The following ICA1L variants were observed in gnomAD, a reference collection of about 807,000 sequenced individuals.
ICA1L encodes islet cell autoantigen 1 like.
In ICA1L, 50 loss-of-function variants were observed where a neutral mutation model predicts 61.3. The observed-to-expected ratio is 0.82, with a 90% CI of 0.65 to 1.03. The LOEUF (loss-of-function observed/expected upper bound fraction) is 1.03, where lower values mean the gene tolerates loss of function less well. ICA1L is among the 50% of genes least tolerant of loss of function. The probability of loss-of-function intolerance (pLI) is 0.00; values close to 1 mark genes in which losing one functional copy is unlikely to be tolerated. For missense variants in ICA1L, 508 were observed against 556.7 expected (o/e 0.91, Z 0.88); for synonymous variants, 161 against 191.3 (o/e 0.84, Z 1.31).
intron 1 of ICA1L, among the ~76,000 whole-genome samples, chr2:202,861,793 G>A (rs1014320710): frequency 1.4e-5 from 2 of 147,484 alleles, no homozygotes; most frequent in East Asian, 4.1e-4. Flanking sequence ...GCTGAGGCAG[G>A]AGAATCACTT....
At chr2:202,793,494 TAAAAAAAAAAAAAAA>T (rs755015399) in intron 10 of ICA1L, among the ~76,000 whole-genome samples, 19 of 31,352 alleles carry the variant, frequency 6.1e-4, no homozygotes, top group South Asian at 2.7e-3. Context: ...CCGTCTCTAC[TAAAAAAAAAAAAAAA>T]AAAAAAAAAA....
At chr2:202,810,637 G>A (rs1438454202) in intron 9 of ICA1L, among the ~76,000 whole-genome samples, 1 of 151,202 alleles carries the variant, frequency 6.6e-6, no homozygotes, top group East Asian at 1.9e-4. Context: ...CAATGTCCAG[G>A]GAACAAGAGA....
intron 9 of ICA1L, among the ~76,000 whole-genome samples, chr2:202,800,826 A>G (rs1266195500): frequency 1.3e-5 from 2 of 152,210 alleles, no homozygotes; most frequent in Non-Finnish European, 2.9e-5. Context: ...AAAAACAACC[A>G]AAGTAATTAA....
At chr2:202,788,257 A>G (rs1692646793) in intron 11 of ICA1L, among the ~76,000 whole-genome samples, 1 of 152,208 alleles carries the variant, frequency 6.6e-6, no homozygotes, top group Non-Finnish European at 1.5e-5. Context: ...GCAGTAACCT[A>G]GGAAACCAAA....
intron 1 of ICA1L, among the ~76,000 whole-genome samples, chr2:202,846,197 A>T (rs1694459282): frequency 6.6e-6 from 1 of 152,058 alleles, no homozygotes; most frequent in Admixed American, 6.6e-5. Context: ...TTATTATTAT[A>T]AAAATGTTTT....
At chr2:202,780,730 C>A (rs1692376083) in intron 12 of ICA1L, among the ~76,000 whole-genome samples, 1 of 152,162 alleles carries the variant, frequency 6.6e-6, no homozygotes, top group Non-Finnish European at 1.5e-5. Flanking sequence ...AGGATCAGGG[C>A]AGAGTGAAAG....
chr2:202,869,285 G>A (rs1055155234), intron 1 of ICA1L, among the ~76,000 whole-genome samples: 25 of 152,124 alleles, frequency 1.6e-4, no homozygotes, highest in Admixed American at 8.5e-4. Context: ...GTGAACCCGG[G>A]AGGCGGAGCT....
intron 12 of ICA1L, 82 bp downstream of exon 12, chr2:202,785,835 TA>T (rs145836386): frequency 0.31 from 245,000 of 784,866 alleles, 41,617 homozygotes; most frequent in South Asian, 0.5. Flanking sequence ...GTGAAAACAA[TA>T]TAAAGTGATC....
At chr2:202,844,545 T>C (rs1443607105) in intron 1 of ICA1L, 2 of 152,192 alleles carry the variant, frequency 1.3e-5, no homozygotes, top group African/African-American at 4.8e-5. Flanking sequence ...TAAAATTAAA[T>C]TCAACAAGCC....
intron 9 of ICA1L, among the ~76,000 whole-genome samples, chr2:202,808,587 A>G (rs929347001): frequency 2.0e-5 from 3 of 152,204 alleles, no homozygotes. Flanking sequence ...CTGATGGTAG[A>G]GCCCTTGGGC....
rs190290860 is a variant in ICA1L, at chr2:202,814,771, G to C, written c.797C>G (p.Thr266Arg). Residue 266 changes from threonine to arginine, a missense_variant, in exon 8 of 13, where the codon ACG (threonine) becomes AGG (arginine). Coordinates refer to ENST00000358299, the MANE Select transcript of ICA1L (RefSeq NM_001288622.3). ...DFVALKQLQDTPSKISEDNKD... is the reference protein window; with the variant it reads ...DFVALKQLQDRPSKISEDNKD... ...ATTGTCTTCACTAATCTTGCTTGGC[G>C]TGTCTTGTAGTTGCTAAAGATAAGA... 2 of 1,612,168 alleles carry C rather than the reference G, an allele frequency of 1.2e-6. No individual in the cohort carries two copies. The highest frequency in any genetic ancestry group is 2.2e-5 in the South Asian group (2 of 90,858).
At chr2:202,853,252 GA>G (rs919779146) in intron 1 of ICA1L, among the ~76,000 whole-genome samples, 4 of 151,780 alleles carry the variant, frequency 2.6e-5, no homozygotes, top group Admixed American at 2.6e-4. Context: ...AGCTACTCGG[GA>G]GGCTGAGGCA....
In ICA1L at chr2:202,786,148, T is replaced by C. The variant is rs563122180; in HGVS notation, c.1244-141A>G. 1.2e-5 allele frequency: 6 copies of C among 516,656 alleles called. No individual in the cohort carries two copies. In the Admixed American group the frequency reaches 1.8e-4, roughly 16 times the overall value. 32.0% of individuals were successfully genotyped at this position (516,656 alleles called of 1,614,324 possible). A position where few individuals can be genotyped will look rare whatever the true frequency, so the allele number is the denominator to read the frequency against. The stretch of plus-strand genomic sequence containing the variant: ...TATAAGAGGTATAAAATACTGAAAA[T>C]TTATCTATAGTCATATATTTTAATC... On this transcript the variant is annotated intron_variant, in intron 11 of 12. Transcript: ENST00000358299.
chr2:202,841,636 G>C, intron 1 of ICA1L: 1 of 616,018 alleles, frequency 1.6e-6, no homozygotes, highest in Non-Finnish European at 3.1e-6. Context: ...CACCCCGAAA[G>C]ATGCTGCTGC....
intron 10 of ICA1L, among the ~76,000 whole-genome samples, chr2:202,793,903 T>C (rs1444185263): frequency 2.6e-5 from 4 of 151,068 alleles, no homozygotes; most frequent in African/African-American, 9.8e-5. Context: ...GGAGAATTGC[T>C]TGAACCTGGG....
intron 10 of ICA1L, among the ~76,000 whole-genome samples, chr2:202,789,295 T>C (rs1004290658): frequency 6.6e-6 from 1 of 152,168 alleles, no homozygotes; most frequent in Non-Finnish European, 1.5e-5. Context: ...AATGAAGATA[T>C]AACCATTATG....
rs1692352080 is a variant in ICA1L, at chr2:202,780,036, G to C, written c.1334-388C>G. ...TGTATGCTGCTCTGAGAAAGGAATT[G>C]AGTTAAAAGTGAAAAGGCAAGCAAT... is the stretch of plus-strand genomic sequence containing the variant. On this transcript the variant is annotated intron_variant, in intron 12 of 12. Coordinates refer to ENST00000358299, the MANE Select transcript of ICA1L (RefSeq NM_001288622.3). Among the ~76,000 whole-genome samples the C allele has an allele frequency of 3.3e-5, 5 of 152,128 alleles. No homozygotes were observed. In the South Asian group the frequency reaches 8.3e-4, roughly 25 times the overall value.
intron 1 of ICA1L, among the ~76,000 whole-genome samples, chr2:202,832,417 C>T (rs1371592374): frequency 1.8e-5 from 2 of 109,452 alleles, no homozygotes; most frequent in Non-Finnish European, 3.4e-5. Flanking sequence ...GCCTGGTCGA[C>T]AGAGTGAGAC....
At chr2:202,807,271 G>A (rs1693252913) in intron 9 of ICA1L, among the ~76,000 whole-genome samples, 1 of 152,252 alleles carries the variant, frequency 6.6e-6, no homozygotes, top group African/African-American at 2.4e-5. Flanking sequence ...TCTCTTGGCA[G>A]TGGCCACATG....
Sources: gnomAD v4.1 joint callset for allele counts (sites outside exome capture counted in the v4.1 genomes callset) on GRCh38, gnomAD v4.1.1 for gene constraint, MANE v1.5 for transcripts, NCBI Gene and HGNC (gene_info 2026-07-23, HGNC 2026-07-21) for gene names.